Variants in SEMA3E observed in about 807,000 individuals in gnomAD.
SEMA3E encodes semaphorin 3E, also known as semaphorin-3E.
Under a neutral mutation model 93.6 loss-of-function variants are expected in SEMA3E, and 49 were observed. The observed-to-expected ratio is 0.52, with a 90% CI of 0.42 to 0.66. SEMA3E has a LOEUF of 0.66. Ranked by LOEUF, SEMA3E falls within the 30% of genes least tolerant of loss-of-function variation. The pLI, the probability that SEMA3E is intolerant of heterozygous loss-of-function variation, is 0.00. For missense variants in SEMA3E, 906 were observed against 964.8 expected, an observed-to-expected ratio of 0.94 and a Z score of 0.81; for synonymous variants, 363 against 330.7, an observed-to-expected ratio of 1.10 and a Z score of -1.06.
chr7:83,559,741 A>G (rs1237516292), intron 1 of SEMA3E, among the ~76,000 whole-genome samples: 2 of 152,084 alleles, frequency 1.3e-5, no homozygotes, highest in African/African-American at 4.8e-5. Context: ...AGGAACTGAA[A>G]ATGTATATCC....
intron 10 of SEMA3E, among the ~76,000 whole-genome samples, chr7:83,402,426 ATATAT>A (rs1247040998): frequency 2.6e-5 from 4 of 152,016 alleles, no homozygotes; most frequent in Non-Finnish European, 4.4e-5. Flanking sequence ...TGTGTCCATT[ATATAT>A]TATATTCTTT....
rs779675069 is a variant in SEMA3E, at chr7:83,408,424, C to G, written c.614G>C (p.Ser205Thr). The G allele has an allele frequency of 8.7e-6, 14 of 1,613,838 alleles. No homozygotes were observed. The South Asian group carries it at 1.4e-4, about 16-fold the overall frequency. The change falls in exon 6 of 17, where the codon AGC becomes ACC. Residue 205 changes from serine to threonine, a missense_variant. Physicochemically the swap from Ser to Thr is moderately conservative, Grantham distance 58 (BLOSUM62 1). Coordinates refer to ENST00000643230, the MANE Select transcript of SEMA3E (RefSeq NM_012431.3). ...YWSRDAAIFR[S>T]MGRLAHIRTE... ...GCGGATATGGGCCAGTCGCCCCATG[C>G]TGCGGAAGATCGCAGCGTCTCTGCT...
intron 2 of SEMA3E, among the ~76,000 whole-genome samples, chr7:83,473,823 G>T (rs1327622132): frequency 6.6e-6 from 1 of 152,082 alleles, no homozygotes; most frequent in Non-Finnish European, 1.5e-5. Context: ...GACAGGTGAG[G>T]TGGCTCATGC....
intron 1 of SEMA3E, among the ~76,000 whole-genome samples, chr7:83,517,479 G>A (rs1359586179): frequency 6.6e-6 from 1 of 151,904 alleles, no homozygotes; most frequent in Non-Finnish European, 1.5e-5. Context: ...CTTTTGACAG[G>A]GATAAAAGAA....
intron 3 of SEMA3E, among the ~76,000 whole-genome samples, chr7:83,468,837 C>T (rs1789831819): frequency 6.6e-6 from 1 of 152,120 alleles, no homozygotes; most frequent in African/African-American, 2.4e-5. Context: ...TATTGCCTCT[C>T]TCAAACTTTT....
At chr7:83,399,198 T>C (rs1246329624) in intron 11 of SEMA3E, among the ~76,000 whole-genome samples, 1 of 152,054 alleles carries the variant, frequency 6.6e-6, no homozygotes, top group African/African-American at 2.4e-5. Context: ...AGAAAGACAA[T>C]GAAAGAATCA....
At chr7:83,429,147 T>C (rs920984692) in intron 4 of SEMA3E, among the ~76,000 whole-genome samples, 5 of 152,280 alleles carry the variant, frequency 3.3e-5, no homozygotes, top group Admixed American at 2.0e-4. Flanking sequence ...CGTTTGTAAG[T>C]CCTTTAATAC....
At chr7:83,629,391 A>C (rs1793740152) in intron 1 of SEMA3E, among the ~76,000 whole-genome samples, 1 of 151,982 alleles carries the variant, frequency 6.6e-6, no homozygotes, top group Admixed American at 6.6e-5. Context: ...GTTTAAGTAC[A>C]GCCACCCCTT....
At chr7:83,645,087 C>T (rs762969955) in intron 1 of SEMA3E, among the ~76,000 whole-genome samples, 19 of 151,926 alleles carry the variant, frequency 1.3e-4, no homozygotes, top group Non-Finnish European at 2.5e-4. Flanking sequence ...CTTCTCTGAG[C>T]TCCATTATCA....
intron 4 of SEMA3E, among the ~76,000 whole-genome samples, chr7:83,455,025 C>A (rs1789453392): frequency 6.6e-6 from 1 of 152,118 alleles, no homozygotes; most frequent in Non-Finnish European, 1.5e-5. Flanking sequence ...GATTTTGAAG[C>A]CAATACTATC....
chr7:83,456,997 C>A (rs1029135427), intron 4 of SEMA3E, among the ~76,000 whole-genome samples: 1 of 151,980 alleles, frequency 6.6e-6, no homozygotes, highest in Non-Finnish European at 1.5e-5. Flanking sequence ...ATTACTTATC[C>A]CCTTACTAAA....
intron 4 of SEMA3E, among the ~76,000 whole-genome samples, chr7:83,446,737 C>T (rs530901086): frequency 2.0e-5 from 3 of 152,120 alleles, no homozygotes; most frequent in Non-Finnish European, 2.9e-5. Flanking sequence ...AATAACTTGG[C>T]CTTTGACCAT....
At chr7:83,595,738 T>C (rs1792859983) in intron 1 of SEMA3E, among the ~76,000 whole-genome samples, 1 of 152,084 alleles carries the variant, frequency 6.6e-6, no homozygotes, top group Non-Finnish European at 1.5e-5. Flanking sequence ...AGTGCATTAT[T>C]GGGAAGGATA....
intron 14 of SEMA3E, among the ~76,000 whole-genome samples, chr7:83,389,974 CATAT>C (rs1432637454): frequency 7.9e-6 from 1 of 126,808 alleles, no homozygotes; most frequent in Admixed American, 8.3e-5. Flanking sequence ...TACGTATACA[CATAT>C]ATACGCGTAT....
At chr7:83,556,730 A>G (rs996742615) in intron 1 of SEMA3E, among the ~76,000 whole-genome samples, 1 of 152,178 alleles carries the variant, frequency 6.6e-6, no homozygotes, top group African/African-American at 2.4e-5. Context: ...TGTCCTCTCC[A>G]AAACTTACGT....
At chr7:83,551,590 G>A (rs1262695963) in intron 1 of SEMA3E, among the ~76,000 whole-genome samples, 1 of 152,160 alleles carries the variant, frequency 6.6e-6, no homozygotes, top group African/African-American at 2.4e-5. Context: ...ATCTTTAAGT[G>A]TGAAATAGGC....
intron 1 of SEMA3E, among the ~76,000 whole-genome samples, chr7:83,615,443 C>T (rs1793344640): frequency 6.6e-6 from 1 of 151,900 alleles, no homozygotes; most frequent in South Asian, 2.1e-4. Context: ...AATGTAAGAG[C>T]TTGGACTATG....
At chr7:83,426,715 G>C (rs1212614472) in intron 4 of SEMA3E, among the ~76,000 whole-genome samples, 1 of 152,098 alleles carries the variant, frequency 6.6e-6, no homozygotes, top group African/African-American at 2.4e-5. Context: ...GTTGCAGATA[G>C]GTAGGTTTAC....
intron 1 of SEMA3E, among the ~76,000 whole-genome samples, chr7:83,491,079 G>A (rs1790373120): frequency 6.6e-6 from 1 of 152,054 alleles, no homozygotes; most frequent in Non-Finnish European, 1.5e-5. Flanking sequence ...TTTGGCAAAT[G>A]CTGACAAGTT....
Sources: gnomAD v4.1 joint callset for allele counts (sites outside exome capture counted in the v4.1 genomes callset) on GRCh38, gnomAD v4.1.1 for gene constraint, MANE v1.5 for transcripts, NCBI Gene and HGNC (gene_info 2026-07-23, HGNC 2026-07-21) for gene names.